Variants in ABHD17C observed in about 807,000 individuals in gnomAD.
ABHD17C encodes alpha/beta hydrolase domain-containing protein 17C.
Under a neutral mutation model 27.9 loss-of-function variants are expected in ABHD17C, and 11 were observed. That is an observed-to-expected ratio of 0.39 (90% CI 0.25 to 0.65). The LOEUF (loss-of-function observed/expected upper bound fraction) is 0.65. ABHD17C is among the 30% of genes least tolerant of loss of function. The probability of loss-of-function intolerance (pLI) is 0.45; values close to 1 mark genes in which losing one functional copy is unlikely to be tolerated. For synonymous variants in ABHD17C, 233 were observed against 209.1 expected, an observed-to-expected ratio of 1.11 and a Z score of -0.98; for missense variants, 280 against 470.2, an observed-to-expected ratio of 0.60 and a Z score of 3.74.
chr15:80,717,257 CA>C (rs768267153), intron 1 of ABHD17C, among the ~76,000 whole-genome samples: 4 of 17,940 alleles, frequency 2.2e-4, no homozygotes, highest in African/African-American at 4.3e-4. Flanking sequence ...TGATGGGGGC[CA>C]AAAAAAAAAA....
rs1596070665 is a variant in ABHD17C, at chr15:80,735,891, A to G, written c.591-13622A>G. Among the ~76,000 whole-genome samples, 7 of 152,292 alleles carry G rather than the reference A, an allele frequency of 4.6e-5. No individual in the cohort carries two copies. The South Asian group carries it at 8.3e-4, about 18-fold the overall frequency. On this transcript the variant is annotated intron_variant, in intron 1 of 2. Coordinates refer to ENST00000258884, the MANE Select transcript of ABHD17C (RefSeq NM_021214.2). ...CCCCAAAGACCTGTAACTCAAGAGC[A>G]CATGGTTTACCCTCCTTACATCCAG...
At position 80,736,009 on chromosome 15, in the gene ABHD17C, G is replaced by T. The variant is rs113788601; in HGVS notation, c.591-13504G>T. ...TGAGAGAATACCTGGACTGTGCCCA[G>T]GTTTTAGAAACTTCCAGGGGTTATA... On this transcript the variant is annotated intron_variant, in intron 1 of 2. Transcript: ENST00000258884. Among the ~76,000 whole-genome samples, 720 of 152,234 alleles carry T rather than the reference G, an allele frequency of 4.7e-3. 7 individuals are homozygous for T. The highest frequency in any genetic ancestry group is 0.016 in the African/African-American group (655 of 41,542).
chr15:80,734,051 C>T (rs888776069), intron 1 of ABHD17C, among the ~76,000 whole-genome samples: 2 of 151,982 alleles, frequency 1.3e-5, no homozygotes, highest in East Asian at 1.9e-4. Context: ...GTGGTGCGAT[C>T]TTGGCTCATT....
intron 1 of ABHD17C, among the ~76,000 whole-genome samples, chr15:80,707,571 C>CAA (rs1295808927): frequency 2.2e-5 from 3 of 139,480 alleles, no homozygotes; most frequent in African/African-American, 7.8e-5. Flanking sequence ...AGCCCCCCCT[C>CAA]AAAAAAAAAA....
At chr15:80,745,659 G>A (rs191744414) in intron 1 of ABHD17C, among the ~76,000 whole-genome samples, 4 of 152,074 alleles carry the variant, frequency 2.6e-5, no homozygotes, top group African/African-American at 7.2e-5. Context: ...GAGCCATCGC[G>A]CCCAGCCTTA....
At chr15:80,725,424 T>G (rs966580918) in intron 1 of ABHD17C, among the ~76,000 whole-genome samples, 5 of 152,240 alleles carry the variant, frequency 3.3e-5, no homozygotes, top group African/African-American at 9.6e-5. Context: ...TTTAGTAGTA[T>G]TATAGCTTTG....
chr15:80,751,583 G>A (rs995241034), intron 2 of ABHD17C, among the ~76,000 whole-genome samples: 1 of 152,142 alleles, frequency 6.6e-6, no homozygotes, highest in Admixed American at 6.5e-5. Context: ...TGTCACTACA[G>A]AAAAAGATTA....
intron 1 of ABHD17C, among the ~76,000 whole-genome samples, chr15:80,700,890 G>A (rs1894562420): frequency 1.3e-5 from 2 of 152,250 alleles, no homozygotes; most frequent in Admixed American, 1.3e-4. Flanking sequence ...AACAGAGTGA[G>A]ATCCTGTCTC....
chr15:80,753,766 A>G (rs553476228), intron 2 of ABHD17C, among the ~76,000 whole-genome samples: 69 of 152,298 alleles, frequency 4.5e-4, no homozygotes, highest in African/African-American at 1.6e-3. Flanking sequence ...TTATTCTAAA[A>G]TGCAAAGTTG....
intron 1 of ABHD17C, among the ~76,000 whole-genome samples, chr15:80,701,507 C>T (rs1277635155): frequency 6.6e-6 from 1 of 151,812 alleles, no homozygotes; most frequent in Non-Finnish European, 1.5e-5. Flanking sequence ...GGTGAAACCC[C>T]ATCTCTACTA....
rs1894475855 is a variant in ABHD17C, at chr15:80,695,380, C to G, written c.-50C>G. The G allele has an allele frequency of 1.9e-6, 2 of 1,067,654 alleles. No individual in the cohort carries two copies. The highest frequency in any genetic ancestry group is 1.7e-5 in the African/African-American group (1 of 59,290). The allele number at this position is 1,067,654 out of a possible 1,614,324, so 66.1% of individuals were successfully genotyped here. A position where few individuals can be genotyped will look rare whatever the true frequency, so the allele number is the denominator to read the frequency against. Reference sequence around the variant, plus strand: ...GCGTCCGTCCTCCGTCCTCCCGGGCCAGCCAGCCAGCCAGCCAGCCGGGCC... The same window carrying G: ...GCGTCCGTCCTCCGTCCTCCCGGGCGAGCCAGCCAGCCAGCCAGCCGGGCC... On this transcript the variant is annotated 5_prime_UTR_variant, in exon 1 of 3. Coordinates refer to ENST00000258884, the MANE Select transcript of ABHD17C (RefSeq NM_021214.2). The surrounding 1 kb of genome is among the most constrained non-coding windows in gnomAD (Gnocchi z 4.3).
intron 1 of ABHD17C, among the ~76,000 whole-genome samples, chr15:80,703,801 A>G (rs1019764246): frequency 3.3e-5 from 5 of 152,178 alleles, no homozygotes; most frequent in Non-Finnish European, 7.3e-5. Context: ...ATATACAGCT[A>G]TCCCCCCTTA....
chr15:80,745,104 T>C (rs1410269613), intron 1 of ABHD17C, among the ~76,000 whole-genome samples: 4 of 152,200 alleles, frequency 2.6e-5, no homozygotes, highest in Non-Finnish European at 4.4e-5. Flanking sequence ...AAAATACAGA[T>C]GTCCAGCTTA....
intron 1 of ABHD17C, among the ~76,000 whole-genome samples, chr15:80,734,471 A>G (rs1176420999): frequency 6.6e-6 from 1 of 152,226 alleles, no homozygotes. Flanking sequence ...AGTTTCATGC[A>G]CAATTATACT....
At chr15:80,743,321 T>A (rs1022733053) in intron 1 of ABHD17C, among the ~76,000 whole-genome samples, 17 of 151,976 alleles carry the variant, frequency 1.1e-4, no homozygotes, top group Admixed American at 3.9e-4. Context: ...CCCCAAGGCC[T>A]CTAGATCCGC....
intron 1 of ABHD17C, among the ~76,000 whole-genome samples, chr15:80,706,380 T>C (rs2141492291): frequency 6.6e-6 from 1 of 152,348 alleles, no homozygotes; most frequent in South Asian, 2.1e-4. Flanking sequence ...CGTCAATTAC[T>C]TGCTGAATTG....
intron 1 of ABHD17C, among the ~76,000 whole-genome samples, chr15:80,726,746 C>G (rs952342448): frequency 1.3e-5 from 2 of 151,982 alleles, no homozygotes; most frequent in African/African-American, 2.4e-5. Flanking sequence ...AGGATGGTCT[C>G]GATCTCCTGA....
rs1895405065 is a variant in ABHD17C, at chr15:80,754,285, G to A, written c.905G>A (p.Gly302Glu). Residue 302 changes from glycine (G) to glutamate (E), a missense_variant, in exon 3 of 3, where the codon GGG (glycine) becomes GAG (glutamate). Physicochemically the swap from Gly to Glu is moderately conservative, Grantham distance 98 (BLOSUM62 -2). Coordinates refer to ENST00000258884, the MANE Select transcript of ABHD17C (RefSeq NM_021214.2). ...PRAVEPLWVE[G>E]AGHNDIELYA... ...GCCGTGGAGCCCCTTTGGGTTGAAG[G>A]GGCTGGGCATAATGACATAGAGCTT... 1 of 1,613,812 alleles carries A rather than the reference G, an allele frequency of 6.2e-7. No homozygotes were observed.
intron 1 of ABHD17C, among the ~76,000 whole-genome samples, chr15:80,739,643 A>T (rs948345899): frequency 5.3e-5 from 8 of 152,072 alleles, no homozygotes; most frequent in Admixed American, 1.3e-4. Flanking sequence ...GTCCCCCTTC[A>T]CCATCCATGA....
Sources: gnomAD v4.1 joint callset for allele counts (sites outside exome capture counted in the v4.1 genomes callset) on GRCh38, gnomAD v4.1.1 for gene constraint, Gnocchi (gnomAD v3.1) non-coding constraint, MANE v1.5 for transcripts, NCBI Gene and HGNC (gene_info 2026-07-23, HGNC 2026-07-21) for gene names.